POU6F2: variants seen among roughly 807,000 people sequenced by gnomAD.
The protein encoded by POU6F2 is POU class 6 homeobox 2, also known as POU domain, class 6, transcription factor 2.
POU6F2 carries 31 observed loss-of-function variants against 71.3 expected under a neutral mutation model. That is an observed-to-expected ratio of 0.43 (90% CI 0.33 to 0.59). The LOEUF is 0.59. Ranked by LOEUF, POU6F2 falls within the 20% of genes least tolerant of loss-of-function variation. POU6F2 has a pLI of 0.04. For synonymous variants in POU6F2, 347 were observed against 355.7 expected (o/e 0.98, Z 0.27); for missense variants, 783 against 856.8 (o/e 0.91, Z 1.07).
chr7:39,048,402 C>G (rs1159827754), intron 1 of POU6F2, among the ~76,000 whole-genome samples: 1 of 151,658 alleles, frequency 6.6e-6, no homozygotes, highest in Admixed American at 6.6e-5. Flanking sequence ...CTGTTGTTCC[C>G]CTCTTTGTGT....
At chr7:39,154,993 C>A (rs1792840003) in intron 2 of POU6F2, among the ~76,000 whole-genome samples, 1 of 151,946 alleles carries the variant, frequency 6.6e-6, no homozygotes, top group South Asian at 2.1e-4. Flanking sequence ...GAGGGGTGGA[C>A]CTGTGGAATA....
chr7:39,186,044 G>A (rs1394638271), intron 2 of POU6F2, among the ~76,000 whole-genome samples: 3 of 151,972 alleles, frequency 2.0e-5, no homozygotes, highest in African/African-American at 7.2e-5. Context: ...CTGAGTAGCT[G>A]GGATTACAGG....
chr7:39,158,934 G>T (rs1475148169), intron 2 of POU6F2, among the ~76,000 whole-genome samples: 1 of 152,054 alleles, frequency 6.6e-6, no homozygotes, highest in African/African-American at 2.4e-5. Context: ...CACTTTGGGA[G>T]GCCAAGGCAG....
intron 1 of POU6F2, among the ~76,000 whole-genome samples, chr7:39,006,493 A>G (rs1045648985): frequency 2.6e-5 from 4 of 152,100 alleles, no homozygotes; most frequent in African/African-American, 9.7e-5. Context: ...TAGAGCCTAG[A>G]ATTTGTTTTA....
At chr7:39,149,969 C>T (rs1260245548) in intron 2 of POU6F2, among the ~76,000 whole-genome samples, 2 of 151,790 alleles carry the variant, frequency 1.3e-5, no homozygotes, top group South Asian at 2.1e-4. Flanking sequence ...CACTGCAAGC[C>T]CCGCCTCCCG....
intron 1 of POU6F2, among the ~76,000 whole-genome samples, chr7:39,070,680 A>G (rs1680977351): frequency 6.6e-6 from 1 of 152,090 alleles, no homozygotes; most frequent in Non-Finnish European, 1.5e-5. Context: ...TGATGCTCAC[A>G]TGCCCTTCCC....
At chr7:39,172,195 ATAT>A (rs779347090) in intron 2 of POU6F2, among the ~76,000 whole-genome samples, 4 of 152,164 alleles carry the variant, frequency 2.6e-5, no homozygotes, top group Non-Finnish European at 4.4e-5. Context: ...ATTTAAGATA[ATAT>A]TATATATTTA....
intron 2 of POU6F2, among the ~76,000 whole-genome samples, chr7:39,089,947 G>A (rs1404812319): frequency 3.3e-5 from 5 of 151,878 alleles, no homozygotes; most frequent in Admixed American, 2.6e-4. Flanking sequence ...TGTTAGTCTC[G>A]GTGGCCGGCT....
chr7:39,273,366 T>A (rs1432340179), intron 4 of POU6F2, among the ~76,000 whole-genome samples: 1 of 152,202 alleles, frequency 6.6e-6, no homozygotes, highest in Non-Finnish European at 1.5e-5. Context: ...TCATGTACCC[T>A]CTGATAGGAT....
At chr7:39,397,592 A>T (rs1205074065) in intron 5 of POU6F2, among the ~76,000 whole-genome samples, 1 of 148,620 alleles carries the variant, frequency 6.7e-6, no homozygotes, top group African/African-American at 2.5e-5. Flanking sequence ...TCCCGGGCTC[A>T]AGTAATTCTC....
intron 1 of POU6F2, among the ~76,000 whole-genome samples, chr7:38,980,574 G>A (rs1246882389): frequency 1.3e-5 from 2 of 152,114 alleles, no homozygotes; most frequent in South Asian, 2.1e-4. Context: ...AGAAAGGGAT[G>A]GTTTATTTTT....
chr7:39,007,654 A>G (rs1260033148), intron 1 of POU6F2, among the ~76,000 whole-genome samples: 1 of 151,982 alleles, frequency 6.6e-6, no homozygotes, highest in African/African-American at 2.4e-5. Context: ...TTAGGTATAT[A>G]CCCCAATGCT....
At chr7:39,349,769 T>C (rs1562799351) in intron 5 of POU6F2, among the ~76,000 whole-genome samples, 2 of 152,362 alleles carry the variant, frequency 1.3e-5, no homozygotes, top group Admixed American at 1.3e-4. Context: ...TGGTGTTTTC[T>C]TTCTCTTTTG....
intron 2 of POU6F2, among the ~76,000 whole-genome samples, chr7:39,140,195 C>G (rs1472441653): frequency 6.6e-6 from 1 of 152,198 alleles, no homozygotes; most frequent in Non-Finnish European, 1.5e-5. Context: ...TTTTACAAAT[C>G]TAAGCACAGA....
chr7:39,377,150 A>T (rs979306221), intron 5 of POU6F2, among the ~76,000 whole-genome samples: 4 of 150,264 alleles, frequency 2.7e-5, no homozygotes, highest in East Asian at 1.9e-4. Flanking sequence ...TATTTTTTTG[A>T]GATGGAGTCT....
chr7:39,439,105 A>G (rs1788323901), intron 7 of POU6F2, among the ~76,000 whole-genome samples: 1 of 152,098 alleles, frequency 6.6e-6, no homozygotes, highest in African/African-American at 2.4e-5. Flanking sequence ...CTTTACCATT[A>G]CATAATCCCC....
chr7:39,376,295 AAGG>A (rs1786709697), intron 5 of POU6F2, among the ~76,000 whole-genome samples: 1 of 152,208 alleles, frequency 6.6e-6, no homozygotes, highest in Non-Finnish European at 1.5e-5. Context: ...AAGGACAGCA[AAGG>A]AGATTTGTGG....
At position 39,364,514 on chromosome 7, in the gene POU6F2, A is replaced by C. The variant is rs201081184; in HGVS notation, c.972+24499A>C. Among the ~76,000 whole-genome samples, 27 of 152,222 alleles carry C rather than the reference A, an allele frequency of 1.8e-4. No individual in the cohort carries two copies. In the East Asian group the frequency reaches 4.4e-3, roughly 25 times the overall value. On this transcript the variant is annotated intron_variant, in intron 5 of 9. Transcript: ENST00000518318. ...TTCCACTTATGAGCGAGAACATACC[A>C]TGTTTGCTTTTCCATTCCTGAGTTA...
chr7:39,127,646 G>T (rs1792167932), intron 2 of POU6F2, among the ~76,000 whole-genome samples: 4 of 152,056 alleles, frequency 2.6e-5, no homozygotes, highest in Admixed American at 2.6e-4. Flanking sequence ...GGGCTGACAA[G>T]GTGTCACATA....
Sources: allele counts gnomAD v4.1 joint callset (sites outside exome capture counted in the v4.1 genomes callset), GRCh38; gene constraint gnomAD v4.1.1; transcripts MANE v1.5; gene names NCBI Gene and HGNC (gene_info 2026-07-23, HGNC 2026-07-21).